CNOT4: variants seen among roughly 807,000 people sequenced by gnomAD.
CNOT4 encodes CCR4-associated factor 4.
CNOT4 carries 8 observed loss-of-function variants against 73.8 expected under a neutral mutation model. That is an observed-to-expected ratio of 0.11 (90% CI 0.06 to 0.20). CNOT4 has a LOEUF of 0.20. Ranked by LOEUF, CNOT4 falls within the 10% of genes least tolerant of loss-of-function variation. The pLI, the probability that CNOT4 is intolerant of heterozygous loss-of-function variation, is 1.00. For synonymous variants in CNOT4, 293 were observed against 321.1 expected, an observed-to-expected ratio of 0.91 and a Z score of 0.94; for missense variants, 564 against 883.4, an observed-to-expected ratio of 0.64 and a Z score of 4.58.
chr7:135,444,527 G>C (rs1799697153), intron 1 of CNOT4: 7 of 1,141,848 alleles, frequency 6.1e-6, no homozygotes, highest in Non-Finnish European at 9.3e-6. Flanking sequence ...GAACGCCAGT[G>C]GTCAGACCTG....
chr7:135,363,762 G>A lies in CNOT4; in HGVS notation c.1840+92C>T. ...CACACTTGCGGCTTTGTGAAAAGCA[G>A]CTTATGTTGAAGAGATCTCGGTTTT... On this transcript the variant is annotated intron_variant, in intron 11 of 11. Coordinates refer to ENST00000541284, the MANE Select transcript of CNOT4 (RefSeq NM_001190850.2). The surrounding 1 kb of genome is among the most constrained non-coding windows in gnomAD (Gnocchi z 4.3). The A allele has an allele frequency of 9.5e-7, 1 of 1,050,574 alleles. No individual in the cohort carries two copies. The highest frequency in any genetic ancestry group is 1.4e-6 in the Non-Finnish European group (1 of 727,116). The allele number at this position is 1,050,574 out of a possible 1,614,324, so 65.1% of individuals were successfully genotyped here.
At chr7:135,372,535 C>A (rs1284245638) in intron 10 of CNOT4, among the ~76,000 whole-genome samples, 2 of 151,820 alleles carry the variant, frequency 1.3e-5, no homozygotes, top group Non-Finnish European at 2.9e-5. Context: ...AAACATATAA[C>A]CCTGAACGTT....
intron 6 of CNOT4, among the ~76,000 whole-genome samples, chr7:135,410,851 A>G (rs1797554768): frequency 6.6e-6 from 1 of 151,664 alleles, no homozygotes; most frequent in Admixed American, 6.6e-5. Context: ...CTTCTAGATC[A>G]ATGAAAGTCA....
At chr7:135,503,615 G>C (rs558457313) in intron 1 of CNOT4, among the ~76,000 whole-genome samples, 1 of 152,200 alleles carries the variant, frequency 6.6e-6, no homozygotes, top group South Asian at 2.1e-4. Context: ...TACTAATAAC[G>C]TCTTTATATC....
At position 135,383,397 on chromosome 7, in the gene CNOT4, G is replaced by C. The variant is rs549333161; in HGVS notation, c.1627+10521C>G. Among the ~76,000 whole-genome samples, 4 of 152,122 alleles carry C rather than the reference G, an allele frequency of 2.6e-5. No homozygotes were observed. The East Asian group carries it at 7.7e-4, about 29-fold the overall frequency. ...CACTCACTGGGGCTGCTTACTTATA[G>C]CTGTCTCATCTCATCCCTGGCTTTT... On this transcript the variant is annotated intron_variant, in intron 10 of 11. Transcript: ENST00000541284.
chr7:135,391,138 G>A (rs1796379845), intron 10 of CNOT4, among the ~76,000 whole-genome samples: 1 of 152,116 alleles, frequency 6.6e-6, no homozygotes, highest in Admixed American at 6.5e-5. Context: ...TAGTTAAGAT[G>A]TATATATAGT....
intron 2 of CNOT4, among the ~76,000 whole-genome samples, chr7:135,424,341 G>T (rs961660194): frequency 3.9e-5 from 6 of 151,928 alleles, no homozygotes; most frequent in Non-Finnish European, 8.8e-5. Flanking sequence ...AGCTCTAAAG[G>T]CACAAATGTA....
chr7:135,363,220 T>A lies in CNOT4; in HGVS notation c.1841-34A>T. On this transcript the variant is annotated intron_variant, in intron 11 of 11. Coordinates refer to ENST00000541284, the MANE Select transcript of CNOT4 (RefSeq NM_001190850.2). The surrounding 1 kb of genome is among the most constrained non-coding windows in gnomAD (Gnocchi z 4.3). ...AGAAAAGAAAAAAGAGGGAAAATGGTGAGTTTGTGTGGAAAGAATAAGGTC... is the reference window on the plus strand; with the variant it reads ...AGAAAAGAAAAAAGAGGGAAAATGGAGAGTTTGTGTGGAAAGAATAAGGTC... 6.3e-7 allele frequency: 1 copy of A among 1,593,934 alleles called. No individual in the cohort carries two copies. The highest frequency in any genetic ancestry group is 8.6e-7 in the Non-Finnish European group (1 of 1,165,358).
At chr7:135,473,729 T>C (rs1266522384) in intron 1 of CNOT4, among the ~76,000 whole-genome samples, 1 of 152,024 alleles carries the variant, frequency 6.6e-6, no homozygotes, top group Non-Finnish European at 1.5e-5. Context: ...CCTGGGTAAT[T>C]GAGCAAGAGA....
chr7:135,459,073 A>G (rs995853622), intron 1 of CNOT4, among the ~76,000 whole-genome samples: 9 of 152,022 alleles, frequency 5.9e-5, no homozygotes, highest in African/African-American at 7.2e-5. Context: ...CGTGAAACTC[A>G]AAATTACTCC....
At chr7:135,449,109 T>C (rs971821453) in intron 1 of CNOT4, among the ~76,000 whole-genome samples, 7 of 152,024 alleles carry the variant, frequency 4.6e-5, no homozygotes, top group African/African-American at 1.7e-4. Flanking sequence ...CAAACATAAT[T>C]TGAGCAAAAA....
At chr7:135,413,124 G>T (rs1043209843) in intron 6 of CNOT4, among the ~76,000 whole-genome samples, 10 of 151,920 alleles carry the variant, frequency 6.6e-5, no homozygotes, top group African/African-American at 2.4e-4. Flanking sequence ...CTTTCATTTT[G>T]TTGACATTCC....
chr7:135,424,823 A>G (rs112841902), intron 2 of CNOT4, among the ~76,000 whole-genome samples: 1 of 152,096 alleles, frequency 6.6e-6, no homozygotes, highest in African/African-American at 2.4e-5. Flanking sequence ...ACAAAAAAAA[A>G]CAAACAAGTT....
chr7:135,365,819 A>G (rs1794882286), intron 10 of CNOT4, among the ~76,000 whole-genome samples: 1 of 152,178 alleles, frequency 6.6e-6, no homozygotes, highest in Non-Finnish European at 1.5e-5. Context: ...AGGAGAAAAA[A>G]ATTCTGCTCA....
intron 1 of CNOT4, among the ~76,000 whole-genome samples, chr7:135,479,430 C>T (rs916062641): frequency 7.9e-5 from 12 of 151,614 alleles, no homozygotes; most frequent in South Asian, 6.2e-4. Flanking sequence ...AGGATGGTCT[C>T]GATCTCTTGA....
At chr7:135,460,238 G>A (rs1800796913) in intron 1 of CNOT4, among the ~76,000 whole-genome samples, 2 of 152,206 alleles carry the variant, frequency 1.3e-5, no homozygotes, top group African/African-American at 4.8e-5. Context: ...GTTCACTGGA[G>A]TAGCACTTTC....
chr7:135,414,694 A>G (rs1797756304), intron 4 of CNOT4, among the ~76,000 whole-genome samples: 1 of 152,078 alleles, frequency 6.6e-6, no homozygotes, highest in African/African-American at 2.4e-5. Flanking sequence ...TTATTTTTTT[A>G]GACAGTCATT....
intron 1 of CNOT4, among the ~76,000 whole-genome samples, chr7:135,478,982 A>T (rs989348375): frequency 2.6e-5 from 4 of 152,092 alleles, no homozygotes; most frequent in Non-Finnish European, 5.9e-5. Flanking sequence ...ATTTAAAAAA[A>T]TTTTCCTGAA....
At chr7:135,466,818 A>G (rs1045667455) in intron 1 of CNOT4, among the ~76,000 whole-genome samples, 4 of 152,200 alleles carry the variant, frequency 2.6e-5, no homozygotes, top group Non-Finnish European at 4.4e-5. Flanking sequence ...TTCAGTATTC[A>G]CTACAGCAAC....
Sources: allele counts gnomAD v4.1 joint callset (sites outside exome capture counted in the v4.1 genomes callset), GRCh38; gene constraint gnomAD v4.1.1; non-coding constraint Gnocchi (gnomAD v3.1); transcripts MANE v1.5; gene names NCBI Gene and HGNC (gene_info 2026-07-23, HGNC 2026-07-21).